The following PDE5A variants were observed in gnomAD, a reference collection of about 807,000 sequenced individuals.
The protein encoded by PDE5A is phosphodiesterase 5A.
PDE5A carries 67 observed loss-of-function variants against 110.2 expected under a neutral mutation model. The ratio of observed to expected loss-of-function variants is 0.61; its 90% confidence interval spans 0.50 to 0.75. PDE5A has a LOEUF of 0.75. Ranked by LOEUF, PDE5A falls within the 30% of genes least tolerant of loss-of-function variation. PDE5A has a pLI of 0.00. For synonymous variants in PDE5A, 328 were observed against 351.2 expected (o/e 0.93, Z 0.74); for missense variants, 862 against 1,045.1 (o/e 0.82, Z 2.42).
At chr4:119,608,207 T>C (rs1267596255) in intron 1 of PDE5A, among the ~76,000 whole-genome samples, 1 of 152,090 alleles carries the variant, frequency 6.6e-6, no homozygotes, top group African/African-American at 2.4e-5. Flanking sequence ...TTCTAGATTA[T>C]CTATGACTAT....
chr4:119,594,421 A>G (rs1327225307), intron 3 of PDE5A, among the ~76,000 whole-genome samples: 1 of 152,204 alleles, frequency 6.6e-6, no homozygotes, highest in African/African-American at 2.4e-5. Context: ...AAAGCTGAAC[A>G]TTGTCTTCCT....
chr4:119,558,642 G>T (rs1012966856), intron 7 of PDE5A, among the ~76,000 whole-genome samples: 2 of 151,988 alleles, frequency 1.3e-5, no homozygotes, highest in African/African-American at 4.8e-5. Flanking sequence ...ATTTAGGCCT[G>T]TTACCTAATT....
chr4:119,550,617 G>T (rs1727315620), intron 9 of PDE5A, among the ~76,000 whole-genome samples: 1 of 152,154 alleles, frequency 6.6e-6, no homozygotes, highest in African/African-American at 2.4e-5. Flanking sequence ...CCCGTTCCCA[G>T]TTATTATTCC....
intron 3 of PDE5A, among the ~76,000 whole-genome samples, chr4:119,572,318 T>C (rs1216201846): frequency 6.6e-6 from 1 of 152,234 alleles, no homozygotes; most frequent in African/African-American, 2.4e-5. Flanking sequence ...GTGTTGTTGA[T>C]GATAATGGGA....
intron 3 of PDE5A, among the ~76,000 whole-genome samples, chr4:119,583,505 A>T (rs1316780464): frequency 6.6e-6 from 1 of 151,370 alleles, no homozygotes; most frequent in Non-Finnish European, 1.5e-5. Context: ...GTCTCCTTCA[A>T]TAACTTTTCC....
Position 119,627,953 on chromosome 4 carries a change from C to T in PDE5A, c.152+567G>A. 1.5e-6 allele frequency: 1 copy of T among 660,130 alleles called. No individual in the cohort carries two copies. The highest frequency in any genetic ancestry group is 1.9e-6 in the Non-Finnish European group (1 of 532,064). The allele number at this position is 660,130 out of a possible 1,614,324, so 40.9% of individuals were successfully genotyped here. A position where few individuals can be genotyped will look rare whatever the true frequency, so the allele number is the denominator to read the frequency against. On this transcript the variant is annotated intron_variant, in intron 1 of 20. Transcript: ENST00000354960. The surrounding 1 kb of genome is among the most constrained non-coding windows in gnomAD (Gnocchi z 4.6). ...AGCGAGTGAAAGGAGGCGCGCGGGA[C>T]AAGCAGGAGACTGGAAGGGGGGAAA...
At chr4:119,552,913 A>AG (rs1727407571) in intron 8 of PDE5A, among the ~76,000 whole-genome samples, 2 of 152,126 alleles carry the variant, frequency 1.3e-5, no homozygotes, top group Middle Eastern at 3.4e-3. Context: ...AGTTAAAAAA[A>AG]ATAAGTAAAA....
At chr4:119,618,753 A>G (rs977587881) in intron 1 of PDE5A, among the ~76,000 whole-genome samples, 2 of 152,128 alleles carry the variant, frequency 1.3e-5, no homozygotes, top group Admixed American at 6.6e-5. Context: ...GCAATACTTC[A>G]TAATTCTAAA....
At chr4:119,501,093 A>T (rs1725308347) in intron 20 of PDE5A, 77 bp downstream of exon 20, 5 of 859,254 alleles carry the variant, frequency 5.8e-6, no homozygotes, top group Non-Finnish European at 9.6e-6. Flanking sequence ...TAGGCGCCTA[A>T]TATTAATCTC....
intron 3 of PDE5A, among the ~76,000 whole-genome samples, chr4:119,569,362 A>T (rs113929837): frequency 0.025 from 3,732 of 152,278 alleles, 59 homozygotes; most frequent in South Asian, 0.051. Context: ...TTTATAGTAT[A>T]GGAGGGTGAC....
intron 9 of PDE5A, among the ~76,000 whole-genome samples, chr4:119,545,819 T>C (rs1186114922): frequency 1.3e-5 from 2 of 152,178 alleles, no homozygotes; most frequent in African/African-American, 4.8e-5. Flanking sequence ...CTCTACCACA[T>C]AACATGGACT....
intron 12 of PDE5A, among the ~76,000 whole-genome samples, chr4:119,524,367 G>C (rs1469971271): frequency 6.6e-6 from 1 of 152,044 alleles, no homozygotes; most frequent in African/African-American, 2.4e-5. Context: ...CCTTTCTAGA[G>C]AACTTGTTGA....
Position 119,626,691 on chromosome 4 carries a change from C to T in PDE5A, c.152+1829G>A, listed in dbSNP as rs377581266. Among the ~76,000 whole-genome samples, 756 of 152,140 alleles carry T rather than the reference C, an allele frequency of 5.0e-3. 7 individuals are homozygous for T. Among genetic ancestry groups the T allele is most frequent in the African/African-American group, 0.015 (608 of 41,484 alleles). On this transcript the variant is annotated intron_variant, in intron 1 of 20. Transcript: ENST00000354960. ...ACAGCAACCGATCATTCTAGACCTCCATGGCCTTAGTGTCTCACGCTAAAC... is the reference window on the plus strand; with the variant it reads ...ACAGCAACCGATCATTCTAGACCTCTATGGCCTTAGTGTCTCACGCTAAAC...
chr4:119,501,248 T>G lies in PDE5A; in HGVS notation c.2412A>C (p.Leu804=), dbSNP rs763310013. 3 of 1,594,618 alleles carry G rather than the reference T, an allele frequency of 1.9e-6. No homozygotes were observed. Residue 804 remains leucine, a synonymous_variant, in exon 20 of 21, where the codon CTA becomes CTC. Transcript: ENST00000354960. ...RKELNIEPTD[L]MNREKKNKIP... The stretch of plus-strand genomic sequence containing the variant: ...TTTTGTTTTTCTTCTCCCTGTTCAT[T>G]AGATCCTGAAAATACAAATACAGAC...
chr4:119,495,135 A>G lies in PDE5A; in HGVS notation c.*3466T>C, dbSNP rs1725015426. The G allele has an allele frequency of 6.6e-6, 1 of 152,204 alleles. No individual in the cohort carries two copies. Among genetic ancestry groups the G allele is most frequent in the Non-Finnish European group, 1.5e-5 (1 of 68,018 alleles). The allele number at this position is 152,204 out of a possible 1,614,324, so 9.4% of individuals were successfully genotyped here. On this transcript the variant is annotated 3_prime_UTR_variant, in exon 21 of 21. Transcript: ENST00000354960. ...AGTAAGTTTCAGGTAAAGAAGGTGC[A>G]TAAAACATATGTTATTGATGAAAAT... is the stretch of plus-strand genomic sequence containing the variant.
In PDE5A at chr4:119,595,016, G is replaced by A. The variant is rs1729105889; in HGVS notation, c.831+1507C>T. On this transcript the variant is annotated intron_variant, in intron 3 of 20. Coordinates refer to ENST00000354960, the MANE Select transcript of PDE5A (RefSeq NM_001083.4). Reference sequence around the variant, plus strand: ...ATTTCCAGGCAGTGATATGTAGAATGGACTAAAGGGAAATTGACTGCAAGG... The same window carrying A: ...ATTTCCAGGCAGTGATATGTAGAATAGACTAAAGGGAAATTGACTGCAAGG... Among the ~76,000 whole-genome samples, 4 of 152,102 alleles carry A rather than the reference G, an allele frequency of 2.6e-5. No homozygotes were observed. The South Asian group carries it at 8.3e-4, about 31-fold the overall frequency.
chr4:119,594,543 A>G (rs1729089642), intron 3 of PDE5A, among the ~76,000 whole-genome samples: 1 of 152,204 alleles, frequency 6.6e-6, no homozygotes, highest in Non-Finnish European at 1.5e-5. Context: ...TGATGTCCCA[A>G]ATAATGCATG....
At chr4:119,548,275 C>T (rs950431974) in intron 9 of PDE5A, 1 of 151,980 alleles carries the variant, frequency 6.6e-6, no homozygotes, top group African/African-American at 2.4e-5. Context: ...GTCTCGATCT[C>T]CTGACCTTGT....
At chr4:119,526,672 G>C (rs1255835084) in intron 11 of PDE5A, among the ~76,000 whole-genome samples, 1 of 152,136 alleles carries the variant, frequency 6.6e-6, no homozygotes, top group African/African-American at 2.4e-5. Context: ...CTTTTGGGAA[G>C]TCAAAAGGTC....
Sources: allele counts gnomAD v4.1 joint callset (sites outside exome capture counted in the v4.1 genomes callset), GRCh38; gene constraint gnomAD v4.1.1; non-coding constraint Gnocchi (gnomAD v3.1); transcripts MANE v1.5; gene names NCBI Gene and HGNC (gene_info 2026-07-23, HGNC 2026-07-21).